The following FER1L6 variants were observed in gnomAD, a reference collection of about 807,000 sequenced individuals.
The protein encoded by FER1L6 is fer-1-like protein 6.
Under a neutral mutation model 219.2 loss-of-function variants are expected in FER1L6, and 177 were observed. The ratio of observed to expected loss-of-function variants is 0.81; its 90% CI spans 0.71 to 0.91. The LOEUF is 0.91. Among genes scored for constraint, FER1L6 ranks in the 40% least tolerant of loss-of-function variants. The probability of loss-of-function intolerance (pLI) is 0.00; values close to 1 mark genes in which losing one functional copy is unlikely to be tolerated. For missense variants in FER1L6, 2,153 were observed against 2,259.9 expected (o/e 0.95, Z 0.96); for synonymous variants, 768 against 824.3 (o/e 0.93, Z 1.17).
intron 22 of FER1L6, among the ~76,000 whole-genome samples, chr8:124,057,699 C>CT (rs897195158): frequency 7.3e-4 from 111 of 152,220 alleles, no homozygotes; most frequent in African/African-American, 2.6e-3. Context: ...TATGCATTGT[C>CT]TATCATTTTG....
At chr8:124,052,551 C>G (rs1052664092) in intron 22 of FER1L6, among the ~76,000 whole-genome samples, 1 of 151,958 alleles carries the variant, frequency 6.6e-6, no homozygotes, top group Non-Finnish European at 1.5e-5. Flanking sequence ...TTTGGGAGGC[C>G]GAGGAGCACG....
chr8:124,107,103 C>A (rs1396444851), intron 39 of FER1L6, among the ~76,000 whole-genome samples: 1 of 151,932 alleles, frequency 6.6e-6, no homozygotes, highest in Non-Finnish European at 1.5e-5. Flanking sequence ...CGCCCGCCAC[C>A]AAGCCCAGCT....
chr8:124,066,143 C>T (rs1451202515), intron 26 of FER1L6, among the ~76,000 whole-genome samples: 7 of 152,212 alleles, frequency 4.6e-5, no homozygotes, highest in Non-Finnish European at 2.9e-5. Context: ...AGCTCCTGTA[C>T]TGTATCCAGA....
chr8:123,981,214 G>A (rs1816314222), intron 11 of FER1L6, among the ~76,000 whole-genome samples: 1 of 152,170 alleles, frequency 6.6e-6, no homozygotes, highest in South Asian at 2.1e-4. Context: ...AGGAGGAAGA[G>A]TAGGTGACAA....
intron 31 of FER1L6, among the ~76,000 whole-genome samples, chr8:124,073,920 TTG>T (rs1264373784): frequency 6.6e-6 from 1 of 152,228 alleles, no homozygotes; most frequent in Non-Finnish European, 1.5e-5. Flanking sequence ...CTGTTTTGCA[TTG>T]TGTTTCTTCC....
In FER1L6 at chr8:123,856,316, G is replaced by GTGTGTGTGTGTGTGTATATATATATATA. The variant is rs71576706; in HGVS notation, c.-8+4132_-8+4133insGTGTGTGTGTGTGTATATATATATATAT. The stretch of plus-strand genomic sequence containing the variant: ...TGTATATATATATATATATGTATGT[G>GTGTGTGTGTGTGTGTATATATATATATA]TATATATATATATATATATATATAT... On this transcript the variant is annotated intron_variant, in intron 1 of 40. Coordinates refer to ENST00000522917, the MANE Select transcript of FER1L6 (RefSeq NM_001039112.2). Among the ~76,000 whole-genome samples the GTGTGTGTGTGTGTGTATATATATATATA allele has an allele frequency of 2.4e-4, 11 of 45,088 alleles. 1 individual carries two copies. The highest frequency in any genetic ancestry group is 2.8e-4 in the Non-Finnish European group (6 of 21,686). The allele number at this position is 45,088 out of a possible 152,430, so 29.6% of individuals were successfully genotyped here.
At chr8:124,087,974 A>AG (rs926048775) in intron 33 of FER1L6, among the ~76,000 whole-genome samples, 1 of 152,042 alleles carries the variant, frequency 6.6e-6, no homozygotes, top group African/African-American at 2.4e-5. Context: ...GAGCTGGGGG[A>AG]GGGGTGACAC....
chr8:123,996,135 T>C (rs1817120093), intron 12 of FER1L6, among the ~76,000 whole-genome samples: 1 of 152,190 alleles, frequency 6.6e-6, no homozygotes, highest in African/African-American at 2.4e-5. Context: ...CTATAGCCAT[T>C]AGAAGAAATG....
chr8:123,898,812 T>TATACATGTGTATATATATAC (rs1812806217), intron 1 of FER1L6, among the ~76,000 whole-genome samples: 1 of 138,494 alleles, frequency 7.2e-6, no homozygotes. Context: ...TACACATATA[T>TATACATGTGTATATATATAC]ATACATATGT....
intron 17 of FER1L6, among the ~76,000 whole-genome samples, chr8:124,023,136 C>G (rs749654095): frequency 6.6e-6 from 1 of 152,122 alleles, no homozygotes; most frequent in Non-Finnish European, 1.5e-5. Flanking sequence ...AGGATGATCT[C>G]GAACTCCTGA....
chr8:124,000,895 A>G (rs1474550818), intron 12 of FER1L6, among the ~76,000 whole-genome samples: 1 of 152,212 alleles, frequency 6.6e-6, no homozygotes, highest in Non-Finnish European at 1.5e-5. Flanking sequence ...CATTTTGGGA[A>G]CATGTATCTT....
rs1823005685 is a variant in FER1L6 at position 124,111,106 on chromosome 8, A to G, written c.5290-7738A>G. 6.6e-6 allele frequency among the ~76,000 whole-genome samples: 1 copy of G among 152,228 alleles called. No homozygotes were observed. The stretch of plus-strand genomic sequence containing the variant: ...GGGTGTTAAAGACAAAAGGCCTGTC[A>G]GCTTTCAAAACAATTTATATACGTT... On this transcript the variant is annotated intron_variant, in intron 39 of 40. Transcript: ENST00000522917. This position sits in a 1 kb window ranked among gnomAD's most constrained non-coding sequence, Gnocchi z 5.0.
chr8:124,023,689 TC>T, intron 18 of FER1L6, 93 bp downstream of exon 18: 2 of 1,322,264 alleles, frequency 1.5e-6, no homozygotes, highest in South Asian at 1.6e-5. Flanking sequence ...CTCTGACCAT[TC>T]CCCAGTGCTT....
intron 1 of FER1L6, among the ~76,000 whole-genome samples, chr8:123,909,749 ATAGCTGTCCTTGTCAACTAGGGGATGATG>A (rs66461343): frequency 0.79 from 119,346 of 150,710 alleles, 47,744 homozygotes; most frequent in African/African-American, 0.89. Context: ...GGTGACAATG[ATAGCTGTCCTTGTCAACTAGGGGATGATG>A]TAGCTGTCCT....
chr8:124,026,154 G>A (rs113314354), intron 18 of FER1L6, among the ~76,000 whole-genome samples: 3,508 of 152,074 alleles, frequency 0.023, 141 homozygotes, highest in African/African-American at 0.079. Context: ...TTTGCTTGGA[G>A]GCCCTGGGTA....
rs922176028 is a variant in FER1L6, at chr8:124,082,436, G to A, written c.4369G>A (p.Gly1457Ser). The stretch of plus-strand genomic sequence containing the variant: ...CTACAGCAAACACCGAGCCATCTGT[G>A]GCTTGCAGAGCCAGTATGAGATGTA... ...RFYSKHRAIC[G>S]LQSQYEIEGY... is the part of the protein sequence containing the mutation. Residue 1457 changes from glycine to serine, a missense_variant, in exon 33 of 41, where the codon GGC becomes AGC. By Grantham distance (56) the Gly-to-Ser change is moderately conservative. Coordinates refer to ENST00000522917, the MANE Select transcript of FER1L6 (RefSeq NM_001039112.2). 1 of 1,613,888 alleles carries A rather than the reference G, an allele frequency of 6.2e-7. No individual in the cohort carries two copies. Among genetic ancestry groups the A allele is most frequent in the Non-Finnish European group, 8.5e-7 (1 of 1,179,878 alleles).
chr8:124,010,478 T>G (rs1016540505), intron 13 of FER1L6, 116 bp from the exon 14 acceptor site: 4 of 1,278,990 alleles, frequency 3.1e-6, no homozygotes, highest in Non-Finnish European at 4.3e-6. Flanking sequence ...AGTTTGATAG[T>G]TTTTTCATCA....
At chr8:123,974,625 CT>C in intron 7 of FER1L6, among the ~76,000 whole-genome samples, 1 of 127,438 alleles carries the variant, frequency 7.8e-6, no homozygotes, top group Non-Finnish European at 1.6e-5. Context: ...ATTACCATTG[CT>C]CTCCAGCCAG....
At chr8:123,888,667 T>C (rs1270940065) in intron 1 of FER1L6, among the ~76,000 whole-genome samples, 1 of 152,162 alleles carries the variant, frequency 6.6e-6, no homozygotes, top group Non-Finnish European at 1.5e-5. Flanking sequence ...ACCCAAAAGT[T>C]TGATTCACAG....
Sources: allele counts gnomAD v4.1 joint callset (sites outside exome capture counted in the v4.1 genomes callset), GRCh38; gene constraint gnomAD v4.1.1; non-coding constraint Gnocchi (gnomAD v3.1); transcripts MANE v1.5; gene names NCBI Gene and HGNC (gene_info 2026-07-23, HGNC 2026-07-21).